Variants in CHRM3 observed in about 807,000 individuals in gnomAD.
CHRM3 encodes the protein cholinergic receptor muscarinic 3.
CHRM3 carries 11 observed loss-of-function variants against 41.8 expected under a neutral mutation model. The ratio of observed to expected loss-of-function variants is 0.26; its 90% CI spans 0.17 to 0.44. The LOEUF is 0.44. Among genes scored for constraint, CHRM3 ranks in the 20% least tolerant of loss-of-function variants. The probability of loss-of-function intolerance (pLI) is 1.00; values close to 1 mark genes in which losing one functional copy is unlikely to be tolerated. For missense variants in CHRM3, 571 were observed against 745.4 expected, an observed-to-expected ratio of 0.77 and a Z score of 2.72; for synonymous variants, 297 against 301.4, an observed-to-expected ratio of 0.99 and a Z score of 0.15.
At chr1:239,420,970 G>GT (rs1203559586) in intron 1 of CHRM3, among the ~76,000 whole-genome samples, 1 of 152,012 alleles carries the variant, frequency 6.6e-6, no homozygotes, top group African/African-American at 2.4e-5. Context: ...AAGAAATTTT[G>GT]TTTTTGAGGG....
At chr1:239,799,611 G>A (rs1213750686) in intron 5 of CHRM3, among the ~76,000 whole-genome samples, 1 of 152,128 alleles carries the variant, frequency 6.6e-6, no homozygotes, top group Non-Finnish European at 1.5e-5. Flanking sequence ...CAGCTCTACT[G>A]TAGACAGCAG....
intron 5 of CHRM3, among the ~76,000 whole-genome samples, chr1:239,771,002 T>A (rs1381417812): frequency 6.6e-6 from 1 of 151,656 alleles, no homozygotes; most frequent in African/African-American, 2.4e-5. Context: ...GCAGGGGAAT[T>A]GCTTTAACCT....
At position 239,909,157 on chromosome 1, in the gene CHRM3, G is replaced by A. The variant is rs199641293; in HGVS notation, c.1706G>A (p.Arg569His). The change falls in exon 7 of 7, where the codon CGC becomes CAC. Residue 569 changes from arginine to histidine, a missense_variant. Around this residue, in one of 5 missense-constraint regions of CHRM3, gnomAD observed 44 missense variants for 39.7 expected, o/e 1.11. Transcript: ENST00000676153. ...LLCQCDKKKR[R>H]KQQYQQRQSV... ...TGCCAGTGTGACAAAAAAAAGAGGC[G>A]CAAGCAGCAGTACCAGCAGAGACAG... 41 of 1,613,906 alleles carry A rather than the reference G, an allele frequency of 2.5e-5. No individual in the cohort carries two copies. The highest frequency in any genetic ancestry group is 4.0e-5 in the African/African-American group (3 of 74,874).
chr1:239,659,241 G>A (rs1672979519), intron 4 of CHRM3, among the ~76,000 whole-genome samples: 1 of 152,068 alleles, frequency 6.6e-6, no homozygotes, highest in Non-Finnish European at 1.5e-5. Flanking sequence ...CTCTAAGTTA[G>A]CCACTTCTCT....
chr1:239,397,328 G>C (rs1023758974), intron 1 of CHRM3, among the ~76,000 whole-genome samples: 1 of 151,836 alleles, frequency 6.6e-6, no homozygotes, highest in African/African-American at 2.4e-5. Context: ...CATATGTATA[G>C]GTATATTACT....
At position 239,539,793 on chromosome 1, in the gene CHRM3, T is replaced by TTA. The variant is rs917418018; in HGVS notation, c.-421-5847_-421-5846insAT. ...CCATGCCCGGCTAATTTTGGCATTT[T>TTA]TTTAGTAGAGATGGGGTTTTGCCAT... On this transcript the variant is annotated intron_variant, in intron 2 of 6. Transcript: ENST00000676153. 3.4e-4 allele frequency among the ~76,000 whole-genome samples: 51 copies of TTA among 151,322 alleles called. 1 individual carries two copies. Among genetic ancestry groups the TTA allele is most frequent in the Non-Finnish European group, 6.3e-4 (43 of 67,740 alleles).
chr1:239,763,864 A>G (rs1030712531), intron 5 of CHRM3, among the ~76,000 whole-genome samples: 10 of 151,896 alleles, frequency 6.6e-5, no homozygotes, highest in Non-Finnish European at 1.5e-4. Flanking sequence ...GGGAGGCCTA[A>G]GAAGGAGGAT....
At chr1:239,696,792 C>T (rs192583249) in intron 5 of CHRM3, among the ~76,000 whole-genome samples, 10 of 152,184 alleles carry the variant, frequency 6.6e-5, no homozygotes, top group Admixed American at 5.9e-4. Flanking sequence ...TACACGTTTG[C>T]TATAAAAGCT....
chr1:239,404,719 AAT>A (rs67746016), intron 1 of CHRM3, among the ~76,000 whole-genome samples: 11,141 of 96,940 alleles, frequency 0.11, 556 homozygotes, highest in African/African-American at 0.17. Context: ...GCTATATCTA[AAT>A]ATATATATAT....
At chr1:239,426,102 T>A (rs1343651417) in intron 1 of CHRM3, among the ~76,000 whole-genome samples, 1 of 144,020 alleles carries the variant, frequency 6.9e-6, no homozygotes, top group African/African-American at 2.6e-5. Context: ...ACTCGTCATT[T>A]AACATTAGGT....
chr1:239,886,282 G>T (rs149700286), intron 6 of CHRM3: 2 of 152,268 alleles, frequency 1.3e-5, no homozygotes, highest in South Asian at 4.1e-4. Context: ...ATGGATGACC[G>T]ACCAAGGAAG....
intron 6 of CHRM3, among the ~76,000 whole-genome samples, chr1:239,902,347 G>C (rs1463476565): frequency 6.6e-6 from 1 of 152,130 alleles, no homozygotes; most frequent in Admixed American, 6.5e-5. Context: ...TCTCAAAATA[G>C]TCAAGTAATT....
chr1:239,675,107 C>G (rs1297468880), intron 4 of CHRM3, among the ~76,000 whole-genome samples: 2 of 152,146 alleles, frequency 1.3e-5, no homozygotes, highest in Admixed American at 1.3e-4. Flanking sequence ...CTCTAGAAAC[C>G]TGATCTCTCA....
chr1:239,848,232 C>G (rs1674429650), intron 6 of CHRM3, among the ~76,000 whole-genome samples: 2 of 152,060 alleles, frequency 1.3e-5, no homozygotes, highest in Admixed American at 1.3e-4. Flanking sequence ...TACCCAAATG[C>G]TTTACAAAAT....
In CHRM3 at chr1:239,641,882, G is replaced by C. The variant is rs1464946400; in HGVS notation, c.-250+9596G>C. Among the ~76,000 whole-genome samples, 4 of 126,572 alleles carry C rather than the reference G, an allele frequency of 3.2e-5. 1 individual carries two copies. The highest frequency in any genetic ancestry group is 6.7e-5 in the Non-Finnish European group (4 of 59,678). The allele number at this position is 126,572 out of a possible 152,430, so 83.0% of individuals were successfully genotyped here. ...GTCTTGATGGTCTTTACAATTTGGC[G>C]TGATTTTGCAGTGGCTGGTACCGGT... On this transcript the variant is annotated intron_variant, in intron 4 of 6. Coordinates refer to ENST00000676153, the MANE Select transcript of CHRM3 (RefSeq NM_001375978.1).
In CHRM3 at chr1:239,906,442, C is replaced by T. The variant is rs555267779; in HGVS notation, c.-19-991C>T. ...TGCTTATCTAGTGTACGGTGGCTGG[C>T]GGTGTGTGAATTCCTGAGCCAGTGG... On this transcript the variant is annotated intron_variant, in intron 6 of 6. Transcript: ENST00000676153. Among the ~76,000 whole-genome samples, 7 of 152,082 alleles carry T rather than the reference C, an allele frequency of 4.6e-5. No individual in the cohort carries two copies. In the East Asian group the frequency reaches 1.4e-3, roughly 29 times the overall value.
chr1:239,389,044 G>A (rs559065228), intron 1 of CHRM3, among the ~76,000 whole-genome samples: 1 of 152,284 alleles, frequency 6.6e-6, no homozygotes, highest in Admixed American at 6.5e-5. Context: ...AATGTAGCAC[G>A]AAAATAGCAA....
intron 1 of CHRM3, among the ~76,000 whole-genome samples, chr1:239,405,763 T>C (rs1393407634): frequency 2.0e-5 from 3 of 152,228 alleles, no homozygotes; most frequent in African/African-American, 7.2e-5. Context: ...GTTACTTTCA[T>C]ATGAGTGACA....
At chr1:239,581,990 A>G (rs1662946299) in intron 3 of CHRM3, among the ~76,000 whole-genome samples, 1 of 152,258 alleles carries the variant, frequency 6.6e-6, no homozygotes, top group Non-Finnish European at 1.5e-5. Flanking sequence ...ATGAAAGAAT[A>G]CATGTAAATA....
Sources: allele counts gnomAD v4.1 joint callset (sites outside exome capture counted in the v4.1 genomes callset), GRCh38; gene constraint gnomAD v4.1.1; regional missense constraint gnomAD v4.1.1; transcripts MANE v1.5; gene names NCBI Gene and HGNC (gene_info 2026-07-23, HGNC 2026-07-21).